The following PATJ variants were observed in gnomAD, a reference collection of about 807,000 sequenced individuals.
The protein encoded by PATJ is PATJ crumbs cell polarity complex component.
In PATJ, 190 loss-of-function variants were observed where a neutral mutation model predicts 224.9. That is an observed-to-expected ratio of 0.84 (90% confidence interval 0.75 to 0.95). The LOEUF (loss-of-function observed/expected upper bound fraction) is 0.95, where lower values mean the gene tolerates loss of function less well. Ranked by LOEUF, PATJ falls within the 40% of genes least tolerant of loss-of-function variation. The probability of loss-of-function intolerance (pLI) is 0.00; values close to 1 mark genes in which losing one functional copy is unlikely to be tolerated. For missense variants in PATJ, 2,121 were observed against 2,270.3 expected, an observed-to-expected ratio of 0.93 and a Z score of 1.34; for synonymous variants, 769 against 820.3, an observed-to-expected ratio of 0.94 and a Z score of 1.07.
intron 27 of PATJ, among the ~76,000 whole-genome samples, chr1:61,979,460 C>A (rs1644328562): frequency 6.6e-6 from 1 of 151,910 alleles, no homozygotes; most frequent in South Asian, 2.1e-4. Context: ...TGAGACCATC[C>A]CGGCCAACAT....
chr1:62,105,660 T>C (rs920915915), intron 33 of PATJ, among the ~76,000 whole-genome samples: 4 of 152,164 alleles, frequency 2.6e-5, no homozygotes, highest in African/African-American at 9.7e-5. Flanking sequence ...AAGAAAGGTC[T>C]AAAATGTATT....
intron 31 of PATJ, among the ~76,000 whole-genome samples, chr1:62,052,439 T>TA (rs554528489): frequency 0.16 from 18,047 of 111,382 alleles, 1,334 homozygotes; most frequent in South Asian, 0.24. Context: ...AGAGATTGAC[T>TA]AAAAAAAAAA....
At chr1:61,843,195 C>G (rs1480100540) in intron 17 of PATJ, among the ~76,000 whole-genome samples, 1 of 152,090 alleles carries the variant, frequency 6.6e-6, no homozygotes, top group East Asian at 1.9e-4. Context: ...GCTCAAGTTT[C>G]CCTTTCAGCC....
At chr1:61,921,410 C>T (rs917222138) in intron 26 of PATJ, among the ~76,000 whole-genome samples, 1 of 152,114 alleles carries the variant, frequency 6.6e-6, no homozygotes, top group African/African-American at 2.4e-5. Context: ...TATGATCAGG[C>T]TGTTGTGGGT....
chr1:62,075,872 C>T (rs1030938050), intron 31 of PATJ, among the ~76,000 whole-genome samples: 11 of 150,740 alleles, frequency 7.3e-5, no homozygotes, highest in African/African-American at 2.7e-4. Flanking sequence ...GACCAGAGAT[C>T]GCGCCACTGC....
In PATJ at chr1:61,858,450, C is replaced by G. The variant is rs1664045112; in HGVS notation, c.2322+2211C>G. Among the ~76,000 whole-genome samples, 3 of 152,054 alleles carry G rather than the reference C, an allele frequency of 2.0e-5. No individual in the cohort carries two copies. In the South Asian group the frequency reaches 6.2e-4, roughly 32 times the overall value. Reference sequence around the variant, plus strand: ...CTAATTTTTGTATTTTTAGTAGAGACAGGGTTTCACCATGTTGGCCAGGCT... The same window carrying G: ...CTAATTTTTGTATTTTTAGTAGAGAGAGGGTTTCACCATGTTGGCCAGGCT... On this transcript the variant is annotated intron_variant, in intron 18 of 43. Transcript: ENST00000642238.
At chr1:61,884,694 G>A (rs759290875) in intron 22 of PATJ, among the ~76,000 whole-genome samples, 2 of 152,112 alleles carry the variant, frequency 1.3e-5, no homozygotes, top group Non-Finnish European at 2.9e-5. Context: ...AGATGCACTT[G>A]AGGACAAATT....
intron 33 of PATJ, among the ~76,000 whole-genome samples, chr1:62,096,055 G>C (rs1661361577): frequency 6.6e-6 from 1 of 151,954 alleles, no homozygotes; most frequent in African/African-American, 2.4e-5. Context: ...CTATGCTTGG[G>C]TGCCATTTTA....
intron 42 of PATJ, 140 bp from the exon 43 acceptor site, chr1:62,153,218 T>C: frequency 2.0e-6 from 1 of 507,848 alleles, no homozygotes; most frequent in Non-Finnish European, 3.0e-6. Context: ...TCTAGATTGC[T>C]TTCTGAGAGT....
At chr1:62,036,951 A>G (rs1011707408) in intron 29 of PATJ, among the ~76,000 whole-genome samples, 5 of 151,886 alleles carry the variant, frequency 3.3e-5, no homozygotes, top group African/African-American at 1.2e-4. Context: ...AAAGAAAGGC[A>G]TTTCAAGAAA....
At chr1:62,004,322 C>T (rs1378799072) in intron 28 of PATJ, among the ~76,000 whole-genome samples, 1 of 152,128 alleles carries the variant, frequency 6.6e-6, no homozygotes, top group African/African-American at 2.4e-5. Context: ...CCTGTATCCT[C>T]ATCACTTATG....
chr1:61,789,084 G>A (rs2148494030), intron 8 of PATJ, among the ~76,000 whole-genome samples: 1 of 152,278 alleles, frequency 6.6e-6, no homozygotes, highest in Middle Eastern at 3.4e-3. Context: ...CAAGGTGGGT[G>A]GATCATCTGA....
chr1:61,814,545 TGTGCGC>T (rs1456490188), intron 14 of PATJ, among the ~76,000 whole-genome samples: 1 of 138,620 alleles, frequency 7.2e-6, no homozygotes, highest in Non-Finnish European at 1.5e-5. Flanking sequence ...TGTGTGTGTG[TGTGCGC>T]GCGCGCGCGC....
At chr1:61,876,607 A>C (rs1171325866) in intron 21 of PATJ, among the ~76,000 whole-genome samples, 1 of 152,158 alleles carries the variant, frequency 6.6e-6, no homozygotes, top group Non-Finnish European at 1.5e-5. Context: ...CTAACCCTAG[A>C]TGCCAGTGGC....
chr1:61,835,431 T>C (rs1248394804), intron 17 of PATJ, among the ~76,000 whole-genome samples: 1 of 151,996 alleles, frequency 6.6e-6, no homozygotes, highest in African/African-American at 2.4e-5. Flanking sequence ...TGAGACAGAG[T>C]CTCACTCTGT....
chr1:61,766,701 C>CT lies in PATJ; in HGVS notation c.384+233dup, dbSNP rs200303457. Among the ~76,000 whole-genome samples the CT allele has an allele frequency of 9.9e-5, 15 of 152,140 alleles. No homozygotes were observed. The East Asian group carries it at 2.9e-3, about 29-fold the overall frequency. ...GTATCCATGTATGTGGTAAGGAGAGCTTTTTAAAAAAAAATTAACATTTAT... is the reference window on the plus strand; with the variant it reads ...GTATCCATGTATGTGGTAAGGAGAGCTTTTTTAAAAAAAAATTAACATTTAT... On this transcript the variant is annotated intron_variant, in intron 4 of 43. Transcript: ENST00000642238.
intron 27 of PATJ, among the ~76,000 whole-genome samples, chr1:61,952,635 A>G (rs1679886182): frequency 6.6e-6 from 1 of 152,350 alleles, no homozygotes; most frequent in South Asian, 2.1e-4. Context: ...GAATGTCCTT[A>G]TGATGTTTTT....
At chr1:61,880,704 G>T (rs1031393329) in intron 21 of PATJ, among the ~76,000 whole-genome samples, 7 of 152,130 alleles carry the variant, frequency 4.6e-5, no homozygotes, top group Non-Finnish European at 7.3e-5. Flanking sequence ...CATCTTACAC[G>T]TGTTTGAGCT....
At chr1:61,834,622 G>A (rs977870522) in intron 17 of PATJ, among the ~76,000 whole-genome samples, 1 of 152,028 alleles carries the variant, frequency 6.6e-6, no homozygotes. Flanking sequence ...AAAGCAAAAT[G>A]TACTCTGTTA....
Sources: gnomAD v4.1 joint callset for allele counts (sites outside exome capture counted in the v4.1 genomes callset) on GRCh38, gnomAD v4.1.1 for gene constraint, MANE v1.5 for transcripts, NCBI Gene and HGNC (gene_info 2026-07-23, HGNC 2026-07-21) for gene names.